Variants in EYA4 observed in about 807,000 individuals in gnomAD.
The protein encoded by EYA4 is EYA transcriptional coactivator and phosphatase 4, also known as protein phosphatase EYA4.
A neutral mutation model predicts 87.9 loss-of-function variants in EYA4; 31 were observed. The ratio of observed to expected loss-of-function variants is 0.35; its 90% confidence interval spans 0.27 to 0.48. EYA4 has a LOEUF of 0.48. Ranked by LOEUF, EYA4 falls within the 20% of genes least tolerant of loss-of-function variation. The probability of loss-of-function intolerance (pLI) is 0.99; values close to 1 mark genes in which losing one functional copy is unlikely to be tolerated. For synonymous variants in EYA4, 263 were observed against 270.6 expected (o/e 0.97, Z 0.28); for missense variants, 678 against 761.4 (o/e 0.89, Z 1.29).
chr6:133,267,395 T>C (rs890768216), intron 1 of EYA4, among the ~76,000 whole-genome samples: 6 of 152,064 alleles, frequency 3.9e-5, no homozygotes, highest in Non-Finnish European at 8.8e-5. Flanking sequence ...CACTTTTTTT[T>C]TTTGAGACAG....
intron 3 of EYA4, among the ~76,000 whole-genome samples, chr6:133,433,565 A>G (rs1221555605): frequency 6.6e-6 from 1 of 152,228 alleles, no homozygotes; most frequent in Non-Finnish European, 1.5e-5. Context: ...CATGTTGGCC[A>G]GGATGGTCTC....
chr6:133,423,793 T>A (rs993233849), intron 3 of EYA4, among the ~76,000 whole-genome samples: 3 of 152,204 alleles, frequency 2.0e-5, no homozygotes, highest in African/African-American at 7.2e-5. Flanking sequence ...CCCTTAATAA[T>A]TTATTCCTCT....
chr6:133,525,003 A>G lies in EYA4; in HGVS notation c.1739-151A>G, dbSNP rs752586871. The G allele has an allele frequency of 3.7e-6, 6 of 1,609,180 alleles. No individual in the cohort carries two copies. The highest frequency in any genetic ancestry group is 5.1e-6 in the Non-Finnish European group (6 of 1,175,828). On this transcript the variant is annotated intron_variant, in intron 18 of 19. Transcript: ENST00000355286. The stretch of plus-strand genomic sequence containing the variant: ...CAGTGGCTGGAAGAATAAGCAGTGC[A>G]TTGTTTTTCAGGCAAGGAAAGCTGT...
At chr6:133,410,240 C>T (rs3777833) in intron 3 of EYA4, among the ~76,000 whole-genome samples, 8,431 of 152,008 alleles carry the variant, frequency 0.055, 687 homozygotes, top group African/African-American at 0.17. Flanking sequence ...AAATGGTTGG[C>T]GTCCTTGAAA....
intron 1 of EYA4, among the ~76,000 whole-genome samples, chr6:133,251,358 TA>T (rs1462427688): frequency 6.6e-6 from 1 of 152,222 alleles, no homozygotes; most frequent in Non-Finnish European, 1.5e-5. Flanking sequence ...TAGCTTTACA[TA>T]TTGCTATGAT....
intron 2 of EYA4, among the ~76,000 whole-genome samples, chr6:133,280,262 G>T (rs868705544): frequency 1.3e-5 from 2 of 152,136 alleles, no homozygotes; most frequent in Admixed American, 1.3e-4. Context: ...ACTCCAAATT[G>T]CCAATTACAG....
chr6:133,387,188 T>C (rs1387901731), intron 3 of EYA4, among the ~76,000 whole-genome samples: 1 of 152,236 alleles, frequency 6.6e-6, no homozygotes. Flanking sequence ...ACAGTTGTGA[T>C]TTAATAATGT....
chr6:133,347,743 T>G (rs906893581), intron 2 of EYA4, among the ~76,000 whole-genome samples: 1 of 152,204 alleles, frequency 6.6e-6, no homozygotes, highest in East Asian at 1.9e-4. Flanking sequence ...ACAGAGTGGT[T>G]AAATAACTTG....
intron 13 of EYA4, among the ~76,000 whole-genome samples, chr6:133,483,694 CATTGTT>C (rs1200210381): frequency 3.3e-5 from 4 of 120,414 alleles, no homozygotes; most frequent in Admixed American, 9.7e-5. Context: ...TTATTTATTT[CATTGTT>C]ATTATTATTA....
intron 3 of EYA4, among the ~76,000 whole-genome samples, chr6:133,401,554 A>T (rs149994596): frequency 6.6e-6 from 1 of 152,208 alleles, no homozygotes; most frequent in Admixed American, 6.5e-5. Context: ...ATAACATCAT[A>T]TAACAACTAT....
intron 16 of EYA4, among the ~76,000 whole-genome samples, chr6:133,514,128 A>G (rs979557180): frequency 2.0e-5 from 3 of 152,174 alleles, no homozygotes; most frequent in African/African-American, 7.2e-5. Flanking sequence ...TGTTAGCAAC[A>G]AAAGGGAGCT....
At chr6:133,421,967 C>T (rs1485018871) in intron 3 of EYA4, among the ~76,000 whole-genome samples, 2 of 152,108 alleles carry the variant, frequency 1.3e-5, no homozygotes, top group East Asian at 3.8e-4. Context: ...TGTTTTTAAA[C>T]TTACTATCTT....
At chr6:133,499,497 G>A (rs1797924506) in intron 13 of EYA4, among the ~76,000 whole-genome samples, 1 of 152,202 alleles carries the variant, frequency 6.6e-6, no homozygotes, top group Non-Finnish European at 1.5e-5. Context: ...GACTGAAACT[G>A]TAGAAGCCTC....
intron 2 of EYA4, among the ~76,000 whole-genome samples, chr6:133,381,064 G>A (rs868641230): frequency 1.1e-4 from 11 of 99,360 alleles, no homozygotes; most frequent in African/African-American, 2.2e-4. Flanking sequence ...CTGTGAAACC[G>A]TTTTTTTTTT....
At chr6:133,441,894 T>C (rs1016774592) in intron 3 of EYA4, among the ~76,000 whole-genome samples, 2 of 152,006 alleles carry the variant, frequency 1.3e-5, no homozygotes, top group Non-Finnish European at 2.9e-5. Flanking sequence ...ACATATTGAT[T>C]CTTTGAAAAG....
intron 3 of EYA4, among the ~76,000 whole-genome samples, chr6:133,409,892 A>T (rs1454172134): frequency 2.6e-5 from 4 of 152,176 alleles, no homozygotes; most frequent in Admixed American, 2.6e-4. Context: ...TGATTGTCTT[A>T]TCATTTTACT....
At chr6:133,432,460 AGTT>A (rs1791270597) in intron 3 of EYA4, among the ~76,000 whole-genome samples, 3 of 150,718 alleles carry the variant, frequency 2.0e-5, no homozygotes, top group African/African-American at 7.3e-5. Flanking sequence ...AATGGGCCCA[AGTT>A]CCTATCACTA....
At chr6:133,517,131 C>A (rs1298315328) in intron 17 of EYA4, among the ~76,000 whole-genome samples, 1 of 152,160 alleles carries the variant, frequency 6.6e-6, no homozygotes, top group Non-Finnish European at 1.5e-5. Context: ...TACACTCCCA[C>A]CAAATGCCGC....
intron 3 of EYA4, among the ~76,000 whole-genome samples, chr6:133,394,730 A>G (rs2128502495): frequency 6.6e-6 from 1 of 152,336 alleles, no homozygotes; most frequent in Middle Eastern, 3.4e-3. Flanking sequence ...TGTGAATTTA[A>G]ATGACTGCTC....
Sources: allele counts gnomAD v4.1 joint callset (sites outside exome capture counted in the v4.1 genomes callset), GRCh38; gene constraint gnomAD v4.1.1; transcripts MANE v1.5; gene names NCBI Gene and HGNC (gene_info 2026-07-23, HGNC 2026-07-21).